Variants in CD58 observed in about 807,000 individuals in gnomAD.
The protein encoded by CD58 is lymphocyte function-associated antigen 3.
CD58 carries 14 observed loss-of-function variants against 27.6 expected under a neutral mutation model. The observed-to-expected ratio is 0.51, with a 90% CI of 0.34 to 0.79. The LOEUF is 0.79. Among genes scored for constraint, CD58 ranks in the 30% least tolerant of loss-of-function variants. CD58 has a pLI of 0.02. For synonymous variants in CD58, 117 were observed against 103.8 expected (o/e 1.13, Z -0.77); for missense variants, 268 against 301.7 (o/e 0.89, Z 0.83).
chr1:116,557,011 A>G lies in CD58; in HGVS notation c.71-12407T>C, dbSNP rs150896981. Among the ~76,000 whole-genome samples the G allele has an allele frequency of 6.6e-6, 1 of 152,262 alleles. No individual in the cohort carries two copies. The highest frequency in any genetic ancestry group is 2.4e-5 in the African/African-American group (1 of 41,474). ...TGGCAACTAATTCAAATCTGAGCTT[A>G]GGGGTAACCCCAGCCAGGCTAGCCC... On this transcript the variant is annotated intron_variant, in intron 1 of 5. Coordinates refer to ENST00000369489, the MANE Select transcript of CD58 (RefSeq NM_001779.3). The surrounding 1 kb of genome is among the most constrained non-coding windows in gnomAD (Gnocchi z 5.2).
chr1:116,563,372 A>G lies in CD58; in HGVS notation c.70+7531T>C, dbSNP rs993956901. Reference sequence around the variant, plus strand: ...GGTGCAAGCTCTCGGTGGATCTACCATTCCGGGGTCTGGTGGATGATGGCC... The same window carrying G: ...GGTGCAAGCTCTCGGTGGATCTACCGTTCCGGGGTCTGGTGGATGATGGCC... On this transcript the variant is annotated intron_variant, in intron 1 of 5. Transcript: ENST00000369489. This position sits in a 1 kb window ranked among gnomAD's most constrained non-coding sequence, Gnocchi z 4.1. Among the ~76,000 whole-genome samples the G allele has an allele frequency of 3.3e-5, 5 of 151,926 alleles. No homozygotes were observed. The highest frequency in any genetic ancestry group is 7.4e-5 in the Non-Finnish European group (5 of 67,938).
chr1:116,555,427 G>A (rs1342917600), intron 1 of CD58, among the ~76,000 whole-genome samples: 1 of 152,160 alleles, frequency 6.6e-6, no homozygotes, highest in Non-Finnish European at 1.5e-5. Flanking sequence ...GTGAGAACTG[G>A]GCATGGGGTG....
chr1:116,534,100 T>C lies in CD58; in HGVS notation c.628+1865A>G. The C allele has an allele frequency of 1.3e-6, 1 of 782,066 alleles. No individual in the cohort carries two copies. The highest frequency in any genetic ancestry group is 2.3e-6 in the Non-Finnish European group (1 of 438,990). The allele number at this position is 782,066 out of a possible 1,614,324, so 48.4% of individuals were successfully genotyped here. Reference sequence around the variant, plus strand: ...AAAACTGTTATCTGCCATCTGAATGTTTTTATCCCCTTGTCTGGTAAACCA... The same window carrying C: ...AAAACTGTTATCTGCCATCTGAATGCTTTTATCCCCTTGTCTGGTAAACCA... On this transcript the variant is annotated intron_variant, in intron 3 of 5. Coordinates refer to ENST00000369489, the MANE Select transcript of CD58 (RefSeq NM_001779.3). The surrounding 1 kb of genome is among the most constrained non-coding windows in gnomAD (Gnocchi z 5.3).
chr1:116,533,132 A>G, intron 3 of CD58: 1 of 753,432 alleles, frequency 1.3e-6, no homozygotes, highest in Non-Finnish European at 2.5e-6. Flanking sequence ...AAAAGTGTCC[A>G]ATTTCAAAAT....
At chr1:116,569,436 G>A (rs1443965250) in intron 1 of CD58, among the ~76,000 whole-genome samples, 1 of 152,042 alleles carries the variant, frequency 6.6e-6, no homozygotes, top group Non-Finnish European at 1.5e-5. Flanking sequence ...TCCCTAAGGG[G>A]ACACTCAGCA....
In CD58 at chr1:116,527,222, A is replaced by G. The variant is rs1244127691; in HGVS notation, c.629-5239T>C. 6.6e-6 allele frequency among the ~76,000 whole-genome samples: 1 copy of G among 152,216 alleles called. No homozygotes were observed. The highest frequency in any genetic ancestry group is 1.9e-4 in the East Asian group (1 of 5,202). On this transcript the variant is annotated intron_variant, in intron 3 of 5. Transcript: ENST00000369489. The surrounding 1 kb of genome is among the most constrained non-coding windows in gnomAD (Gnocchi z 4.4). ...TGCTTATAGTACAATACTGAAAAGGAGTGGTGAGAAGAACATTATTTCCTT... is the reference window on the plus strand; with the variant it reads ...TGCTTATAGTACAATACTGAAAAGGGGTGGTGAGAAGAACATTATTTCCTT...
Position 116,523,288 on chromosome 1 carries a change from G to A in CD58, c.629-1305C>T, listed in dbSNP as rs1383298420. Among the ~76,000 whole-genome samples, 2 of 152,084 alleles carry A rather than the reference G, an allele frequency of 1.3e-5. No individual in the cohort carries two copies. Among genetic ancestry groups the A allele is most frequent in the Non-Finnish European group, 2.9e-5 (2 of 68,012 alleles). ...ACAAGGTAAACTCTATCCAGCTATT[G>A]AAAATCCAAAATCAGAGTACACAAT... On this transcript the variant is annotated intron_variant, in intron 3 of 5. Transcript: ENST00000369489. This position sits in a 1 kb window ranked among gnomAD's most constrained non-coding sequence, Gnocchi z 4.4.
intron 1 of CD58, among the ~76,000 whole-genome samples, chr1:116,564,266 G>A (rs1031559935): frequency 1.3e-5 from 2 of 152,102 alleles, no homozygotes; most frequent in African/African-American, 2.4e-5. Context: ...CATCTGAGAT[G>A]AGCAGCATTT....
Position 116,538,268 on chromosome 1 carries a change from T to C in CD58, c.365-2040A>G, listed in dbSNP as rs1396455715. On this transcript the variant is annotated intron_variant, in intron 2 of 5. Coordinates refer to ENST00000369489, the MANE Select transcript of CD58 (RefSeq NM_001779.3). This position sits in a 1 kb window ranked among gnomAD's most constrained non-coding sequence, Gnocchi z 4.7. ...TTCAGTGGCAATCCAATCCAATGGA[T>C]AAGAAGTTGCTCTAGTTGACTCAAA... Among the ~76,000 whole-genome samples, 1 of 152,228 alleles carries C rather than the reference T, an allele frequency of 6.6e-6. No individual in the cohort carries two copies. The highest frequency in any genetic ancestry group is 2.4e-5 in the African/African-American group (1 of 41,456).
rs1197783459 is a variant in CD58, at chr1:116,517,614, CCCT to C, written c.743+1614_743+1616del. ...CTGCAGCTTTAACATGTAGCCTCCT[CCCT>C]CGAGTCTCTAACCCGGGGCTACCCT... On this transcript the variant is annotated intron_variant, in intron 5 of 5. Coordinates refer to ENST00000369489, the MANE Select transcript of CD58 (RefSeq NM_001779.3). This position sits in a 1 kb window ranked among gnomAD's most constrained non-coding sequence, Gnocchi z 6.5. Among the ~76,000 whole-genome samples the C allele has an allele frequency of 3.3e-5, 5 of 152,200 alleles. No homozygotes were observed. Among genetic ancestry groups the C allele is most frequent in the Admixed American group, 3.3e-4 (5 of 15,286 alleles).
rs1278047398 is a variant in CD58 at position 116,532,920 on chromosome 1, C to T, written c.628+3045G>A. 1.0e-5 allele frequency: 11 copies of T among 1,057,858 alleles called. No homozygotes were observed. Among genetic ancestry groups the T allele is most frequent in the Admixed American group, 6.1e-5 (3 of 49,224 alleles). 65.5% of individuals were successfully genotyped at this position (1,057,858 alleles called of 1,614,324 possible). On this transcript the variant is annotated intron_variant, in intron 3 of 5. Coordinates refer to ENST00000369489, the MANE Select transcript of CD58 (RefSeq NM_001779.3). This position sits in a 1 kb window ranked among gnomAD's most constrained non-coding sequence, Gnocchi z 5.1. The stretch of plus-strand genomic sequence containing the variant: ...GAGTCGCGACAGCCGGTCTGCCAGG[C>T]GCCCACCTCCACTTCCTACTGCTGC...
intron 1 of CD58, among the ~76,000 whole-genome samples, chr1:116,555,385 A>G (rs1415385423): frequency 6.6e-6 from 1 of 152,208 alleles, no homozygotes; most frequent in African/African-American, 2.4e-5. Flanking sequence ...TTAGGTCAAC[A>G]TCAAGGTATT....
In CD58 at chr1:116,546,036, G is replaced by C. The variant is rs1571077489; in HGVS notation, c.71-1432C>G. On this transcript the variant is annotated intron_variant, in intron 1 of 5. Coordinates refer to ENST00000369489, the MANE Select transcript of CD58 (RefSeq NM_001779.3). The surrounding 1 kb of genome is among the most constrained non-coding windows in gnomAD (Gnocchi z 4.1). Reference sequence around the variant, plus strand: ...TACGAAAAGTACAAAAAATTAGCTGGGCATGGCACACACCTGTGGTCCCCA... The same window carrying C: ...TACGAAAAGTACAAAAAATTAGCTGCGCATGGCACACACCTGTGGTCCCCA... Among the ~76,000 whole-genome samples the C allele has an allele frequency of 6.6e-6, 1 of 152,096 alleles. No individual in the cohort carries two copies. Among genetic ancestry groups the C allele is most frequent in the Admixed American group, 6.6e-5 (1 of 15,262 alleles).
rs1399958056 is a variant in CD58, at chr1:116,521,089, T to A, written c.706+817A>T. 2.6e-5 allele frequency among the ~76,000 whole-genome samples: 4 copies of A among 152,174 alleles called. No homozygotes were observed. Among genetic ancestry groups the A allele is most frequent in the African/African-American group, 9.7e-5 (4 of 41,442 alleles). On this transcript the variant is annotated intron_variant, in intron 4 of 5. Coordinates refer to ENST00000369489, the MANE Select transcript of CD58 (RefSeq NM_001779.3). This position sits in a 1 kb window ranked among gnomAD's most constrained non-coding sequence, Gnocchi z 5.6. Reference sequence around the variant, plus strand: ...TTTAATGGTATTTCATTTTAAATGATATATTTAAATAATCATATGTGGCTA... The same window carrying A: ...TTTAATGGTATTTCATTTTAAATGAAATATTTAAATAATCATATGTGGCTA...
At chr1:116,561,583 G>T (rs1227694581) in intron 1 of CD58, among the ~76,000 whole-genome samples, 1 of 152,136 alleles carries the variant, frequency 6.6e-6, no homozygotes, top group East Asian at 1.9e-4. Context: ...ACTGGTAATT[G>T]TGCTGACCTA....
rs1659115187 is a variant in CD58 at position 116,570,822 on chromosome 1, G to A, written c.70+81C>T. 1 of 1,155,702 alleles carries A rather than the reference G, an allele frequency of 8.7e-7. No homozygotes were observed. The highest frequency in any genetic ancestry group is 1.2e-6 in the Non-Finnish European group (1 of 828,206). The allele number at this position is 1,155,702 out of a possible 1,614,324, so 71.6% of individuals were successfully genotyped here. On this transcript the variant is annotated intron_variant, in intron 1 of 5. Transcript: ENST00000369489. This position sits in a 1 kb window ranked among gnomAD's most constrained non-coding sequence, Gnocchi z 6.4. The stretch of plus-strand genomic sequence containing the variant: ...CCCGTCTCTGATCGGCAACCGCCTC[G>A]AGCCCGGCGCGTCCACCCAGCCTGG...
At position 116,515,370 on chromosome 1, in the gene CD58, C is replaced by T. The variant is rs1189450410; in HGVS notation, c.744-548G>A. Among the ~76,000 whole-genome samples the T allele has an allele frequency of 6.6e-6, 1 of 152,164 alleles. No individual in the cohort carries two copies. The highest frequency in any genetic ancestry group is 1.5e-5 in the Non-Finnish European group (1 of 68,030). On this transcript the variant is annotated intron_variant, in intron 5 of 5. Coordinates refer to ENST00000369489, the MANE Select transcript of CD58 (RefSeq NM_001779.3). The surrounding 1 kb of genome is among the most constrained non-coding windows in gnomAD (Gnocchi z 4.6). ...CCGTGGTCTGCGTATTTCCACAGAG[C>T]TCAAAATCAGACCAGGCCAGAGCTC...
At chr1:116,530,412 A>G (rs1198678164) in intron 3 of CD58, among the ~76,000 whole-genome samples, 6 of 152,036 alleles carry the variant, frequency 3.9e-5, no homozygotes, top group Admixed American at 2.0e-4. Flanking sequence ...TCACCGTGTT[A>G]GCCAGGATGG....
In CD58 at chr1:116,527,795, G is replaced by C. The variant is rs1657474852; in HGVS notation, c.629-5812C>G. ...GTAGAATTCACCAATGAACCCATCT[G>C]AACCTGGTGCTTTCTGTTTTGGAAG... On this transcript the variant is annotated intron_variant, in intron 3 of 5. Transcript: ENST00000369489. This position sits in a 1 kb window ranked among gnomAD's most constrained non-coding sequence, Gnocchi z 4.4. Among the ~76,000 whole-genome samples, 1 of 152,180 alleles carries C rather than the reference G, an allele frequency of 6.6e-6. No homozygotes were observed. Among genetic ancestry groups the C allele is most frequent in the South Asian group, 2.1e-4 (1 of 4,824 alleles).
Sources: gnomAD v4.1 joint callset for allele counts (sites outside exome capture counted in the v4.1 genomes callset) on GRCh38, gnomAD v4.1.1 for gene constraint, Gnocchi (gnomAD v3.1) non-coding constraint, MANE v1.5 for transcripts, NCBI Gene and HGNC (gene_info 2026-07-23, HGNC 2026-07-21) for gene names.